Variants in NAALADL2 observed in about 807,000 individuals in gnomAD.
The protein encoded by NAALADL2 is N-acetylated alpha-linked acidic dipeptidase like 2, also known as inactive N-acetylated-alpha-linked acidic dipeptidase-like protein 2.
A neutral mutation model predicts 87.2 loss-of-function variants in NAALADL2; 76 were observed. The observed-to-expected ratio is 0.87, with a 90% CI of 0.72 to 1.05. The LOEUF (loss-of-function observed/expected upper bound fraction) is 1.05, where lower values mean the gene tolerates loss of function less well. Ranked by LOEUF, NAALADL2 falls within the 50% of genes least tolerant of loss-of-function variation. NAALADL2 has a pLI of 0.00. For missense variants in NAALADL2, 1,089 were observed against 945.8 expected (o/e 1.15, Z -1.99); for synonymous variants, 354 against 331.0 (o/e 1.07, Z -0.75).
At chr3:175,378,106 C>T (rs1162440708) in intron 5 of NAALADL2, among the ~76,000 whole-genome samples, 2 of 152,178 alleles carry the variant, frequency 1.3e-5, no homozygotes, top group African/African-American at 2.4e-5. Flanking sequence ...GTAACACTCC[C>T]TCTGGGGCTT....
At chr3:175,249,142 C>T (rs1009209131) in intron 3 of NAALADL2, among the ~76,000 whole-genome samples, 2 of 151,768 alleles carry the variant, frequency 1.3e-5, no homozygotes, top group Non-Finnish European at 2.9e-5. Context: ...AAGTTGAGCT[C>T]GATCAGTTTG....
intron 5 of NAALADL2, among the ~76,000 whole-genome samples, chr3:175,335,863 G>C (rs1761916806): frequency 1.3e-5 from 2 of 152,202 alleles, no homozygotes; most frequent in Non-Finnish European, 2.9e-5. Context: ...GAGTTGAAGA[G>C]TATAAATGTG....
intron 1 of NAALADL2, among the ~76,000 whole-genome samples, chr3:175,061,941 A>G (rs1158716712): frequency 6.6e-6 from 1 of 152,114 alleles, no homozygotes; most frequent in Non-Finnish European, 1.5e-5. Context: ...CCACAACTGG[A>G]ACTCATACAT....
intron 9 of NAALADL2, among the ~76,000 whole-genome samples, chr3:175,548,754 C>T (rs971429087): frequency 5.3e-5 from 8 of 151,852 alleles, no homozygotes; most frequent in African/African-American, 1.9e-4. Context: ...GTTCAAATTC[C>T]ATACTGATTT....
intron 9 of NAALADL2, among the ~76,000 whole-genome samples, chr3:175,502,322 T>A (rs78788220): frequency 6.6e-6 from 1 of 151,918 alleles, no homozygotes; most frequent in African/African-American, 2.4e-5. Context: ...TAAAGCAGAT[T>A]TTCCTGCCTA....
intron 1 of NAALADL2, among the ~76,000 whole-genome samples, chr3:174,876,282 G>A (rs1000573039): frequency 6.6e-6 from 1 of 152,012 alleles, no homozygotes; most frequent in South Asian, 2.1e-4. Context: ...GACAGGACCC[G>A]TTGAAAAAAC....
intron 11 of NAALADL2, among the ~76,000 whole-genome samples, chr3:175,706,570 G>A (rs1192901857): frequency 6.6e-6 from 1 of 152,112 alleles, no homozygotes; most frequent in Non-Finnish European, 1.5e-5. Context: ...AGATAAAACT[G>A]CAGGTTAAGA....
chr3:174,763,510 C>G (rs899910593), intron 3 of NAALADL2, among the ~76,000 whole-genome samples: 12 of 138,652 alleles, frequency 8.7e-5, no homozygotes, highest in African/African-American at 3.1e-4. Context: ...TCGCTTGAAC[C>G]CAGAAGGTAG....
intron 2 of NAALADL2, among the ~76,000 whole-genome samples, chr3:175,168,066 C>T (rs920609522): frequency 1.3e-5 from 2 of 151,768 alleles, no homozygotes; most frequent in African/African-American, 4.8e-5. Flanking sequence ...ACCACGTTTC[C>T]ACTTTATTAT....
At position 174,863,578 on chromosome 3, in the gene NAALADL2, GAAAA is replaced by G. The variant is rs535994765; in HGVS notation, c.43+4135_43+4138del. On this transcript the variant is annotated intron_variant, in intron 1 of 13. Coordinates refer to ENST00000454872, the MANE Select transcript of NAALADL2 (RefSeq NM_207015.3). ...CTAATTCTATTTAAAATAAGTAAAA[GAAAA>G]AAAAAACAACTCTAGGCAGGAGGAG... Among the ~76,000 whole-genome samples, 40 of 142,894 alleles carry G rather than the reference GAAAA, an allele frequency of 2.8e-4. 1 individual carries two copies. The highest frequency in any genetic ancestry group is 1.4e-4 in the Admixed American group (2 of 14,306). The allele number at this position is 142,894 out of a possible 152,430, so 93.7% of individuals were successfully genotyped here.
intron 2 of NAALADL2, among the ~76,000 whole-genome samples, chr3:174,603,040 A>G (rs1304237195): frequency 6.6e-6 from 1 of 152,004 alleles, no homozygotes; most frequent in Non-Finnish European, 1.5e-5. Flanking sequence ...TTTTGCATCA[A>G]TATTCATCAG....
chr3:174,441,179 CG>C (rs1377434478), intron 1 of NAALADL2: 2 of 152,252 alleles, frequency 1.3e-5, no homozygotes, highest in Non-Finnish European at 2.9e-5. Context: ...CACCCCTGCG[CG>C]GGGCCCGGGG....
chr3:175,040,614 A>G (rs1283826876), intron 1 of NAALADL2, among the ~76,000 whole-genome samples: 3 of 152,178 alleles, frequency 2.0e-5, no homozygotes, highest in Non-Finnish European at 4.4e-5. Context: ...TTATACCTCT[A>G]TAACACTAAT....
intron 5 of NAALADL2, among the ~76,000 whole-genome samples, chr3:175,445,231 A>G (rs894138463): frequency 2.0e-5 from 3 of 152,122 alleles, no homozygotes; most frequent in Admixed American, 1.3e-4. Context: ...TCTCTCCATT[A>G]TCTCTATTCT....
At chr3:175,155,567 T>G (rs183923215) in intron 2 of NAALADL2, among the ~76,000 whole-genome samples, 128 of 152,302 alleles carry the variant, frequency 8.4e-4, no homozygotes, top group Admixed American at 1.8e-3. Flanking sequence ...TGAGGTTTTC[T>G]TGTCTTTTTT....
intron 1 of NAALADL2, among the ~76,000 whole-genome samples, chr3:174,457,580 C>T (rs576935099): frequency 6.6e-4 from 101 of 152,218 alleles, no homozygotes; most frequent in Middle Eastern, 3.4e-3. Context: ...AGTCCTAGCA[C>T]TTTGGGAGGC....
intron 3 of NAALADL2, among the ~76,000 whole-genome samples, chr3:175,253,572 A>G (rs1270632216): frequency 1.3e-5 from 2 of 152,200 alleles, no homozygotes; most frequent in Non-Finnish European, 2.9e-5. Flanking sequence ...TTCAACTTTC[A>G]AGTCTTATTA....
At chr3:174,515,330 C>T (rs543440908) in intron 1 of NAALADL2, among the ~76,000 whole-genome samples, 17 of 152,142 alleles carry the variant, frequency 1.1e-4, no homozygotes, top group African/African-American at 3.9e-4. Context: ...CATGCACTGG[C>T]TATGTGTCCT....
chr3:175,159,284 A>G (rs915700155), intron 2 of NAALADL2, among the ~76,000 whole-genome samples: 11 of 152,170 alleles, frequency 7.2e-5, no homozygotes, highest in Admixed American at 7.2e-4. Flanking sequence ...CTTGGGTTTG[A>G]TTGATATCAA....
Sources: gnomAD v4.1 joint callset for allele counts (sites outside exome capture counted in the v4.1 genomes callset) on GRCh38, gnomAD v4.1.1 for gene constraint, MANE v1.5 for transcripts, NCBI Gene and HGNC (gene_info 2026-07-23, HGNC 2026-07-21) for gene names.